Variants in MAP3K20 observed in about 807,000 individuals in gnomAD.
MAP3K20 encodes the protein mitogen-activated protein kinase kinase kinase 20.
MAP3K20 carries 40 observed loss-of-function variants against 85.7 expected under a neutral mutation model. The observed-to-expected ratio is 0.47, with a 90% CI of 0.36 to 0.61. The LOEUF (loss-of-function observed/expected upper bound fraction) is 0.61, where lower values mean the gene tolerates loss of function less well. Among genes scored for constraint, MAP3K20 ranks in the 20% least tolerant of loss-of-function variants. The pLI, the probability that MAP3K20 is intolerant of heterozygous loss-of-function variation, is 0.00. For missense variants in MAP3K20, 817 were observed against 961.7 expected, an observed-to-expected ratio of 0.85 and a Z score of 1.99; for synonymous variants, 325 against 327.7, an observed-to-expected ratio of 0.99 and a Z score of 0.09.
intron 16 of MAP3K20, among the ~76,000 whole-genome samples, chr2:173,250,689 A>G (rs1318254583): frequency 6.6e-6 from 1 of 152,238 alleles, no homozygotes; most frequent in Admixed American, 6.5e-5. Flanking sequence ...AGTCCTGTAC[A>G]TCATTATGAG....
At chr2:173,180,969 A>G (rs1690307564) in intron 3 of MAP3K20, among the ~76,000 whole-genome samples, 1 of 152,202 alleles carries the variant, frequency 6.6e-6, no homozygotes, top group Non-Finnish European at 1.5e-5. Flanking sequence ...CAAACTGGGA[A>G]AAAATATTTG....
Position 173,198,395 on chromosome 2 carries a change from A to G in MAP3K20, c.669+283A>G. The G allele has an allele frequency of 5.0e-6, 1 of 201,640 alleles. No homozygotes were observed. Among genetic ancestry groups the G allele is most frequent in the South Asian group, 9.4e-5 (1 of 10,588 alleles). 12.5% of individuals were successfully genotyped at this position (201,640 alleles called of 1,614,324 possible). ...AAAACCTAGGGGTTTGTTCTTAGTG[A>G]TGAAAGAAGCCATTGCGTCCAAGGT... On this transcript the variant is annotated intron_variant, in intron 8 of 19. Transcript: ENST00000375213. The surrounding 1 kb of genome is among the most constrained non-coding windows in gnomAD (Gnocchi z 5.8).
intron 17 of MAP3K20, among the ~76,000 whole-genome samples, chr2:173,259,141 A>G (rs1685229889): frequency 6.6e-6 from 1 of 152,144 alleles, no homozygotes; most frequent in Admixed American, 6.5e-5. Context: ...ATTTACTTCA[A>G]ATTTTGACTA....
intron 10 of MAP3K20, chr2:173,211,729 A>G (rs10185321): frequency 0.55 from 83,647 of 152,158 alleles, 24,455 homozygotes; most frequent in Non-Finnish European, 0.66. Flanking sequence ...ACTGGCTAAC[A>G]CGGTGAAACC....
At chr2:173,089,287 C>T (rs1447616047) in intron 1 of MAP3K20, among the ~76,000 whole-genome samples, 1 of 151,948 alleles carries the variant, frequency 6.6e-6, no homozygotes, top group African/African-American at 2.4e-5. Context: ...TGCTTTCTCT[C>T]TCCCTCTCTC....
intron 11 of MAP3K20, chr2:173,222,009 C>T (rs1387170097): frequency 1.0e-6 from 1 of 983,568 alleles, no homozygotes; most frequent in East Asian, 1.1e-4. Flanking sequence ...AAATGGTTGG[C>T]CTGAGCAACC....
chr2:173,142,608 A>C (rs1689009182), intron 2 of MAP3K20, among the ~76,000 whole-genome samples: 1 of 152,126 alleles, frequency 6.6e-6, no homozygotes. Context: ...GAATTCTTAG[A>C]GCAACCACTA....
At position 173,104,402 on chromosome 2, in the gene MAP3K20, G is replaced by C. The variant is rs148879162; in HGVS notation, c.159+13212G>C. Among the ~76,000 whole-genome samples the C allele has an allele frequency of 6.8e-4, 104 of 152,228 alleles. 2 individuals carry two copies. The East Asian group carries it at 0.017, about 25-fold the overall frequency. On this transcript the variant is annotated intron_variant, in intron 2 of 19. Coordinates refer to ENST00000375213, the MANE Select transcript of MAP3K20 (RefSeq NM_016653.3). ...GCCCCAGTGCTCCTCAAGACTTTGA[G>C]GTTTTGGGAAACAAGGAAAGACTGA... is the stretch of plus-strand genomic sequence containing the variant.
intron 2 of MAP3K20, among the ~76,000 whole-genome samples, chr2:173,098,748 CAT>C (rs1279982574): frequency 6.6e-6 from 1 of 152,190 alleles, no homozygotes; most frequent in Non-Finnish European, 1.5e-5. Context: ...TAAATAATCT[CAT>C]ATAAAATTTT....
chr2:173,184,336 C>T (rs755282223), intron 4 of MAP3K20, among the ~76,000 whole-genome samples: 35 of 152,194 alleles, frequency 2.3e-4, no homozygotes, highest in Non-Finnish European at 4.4e-4. Flanking sequence ...GGTGCTCAGC[C>T]AGTTACACCC....
At position 173,231,007 on chromosome 2, in the gene MAP3K20, T is replaced by A. The variant is rs979974673; in HGVS notation, c.1033-1185T>A. Among the ~76,000 whole-genome samples the A allele has an allele frequency of 2.8e-4, 42 of 151,756 alleles. 1 individual carries two copies. Among genetic ancestry groups the A allele is most frequent in the East Asian group, 1.4e-3 (7 of 5,178 alleles). On this transcript the variant is annotated intron_variant, in intron 12 of 19. Transcript: ENST00000375213. The stretch of plus-strand genomic sequence containing the variant: ...CAAGGCTTCATCTCAAAAAAAAAAT[T>A]TTTTTTAAGTTCTATAAAACTCAGG...
At chr2:173,145,299 G>C (rs1689106514) in intron 2 of MAP3K20, among the ~76,000 whole-genome samples, 1 of 152,054 alleles carries the variant, frequency 6.6e-6, no homozygotes, top group Non-Finnish European at 1.5e-5. Context: ...TCCAAACTCT[G>C]TGCTTACATA....
rs1260204093 is a variant in MAP3K20, at chr2:173,266,580, G to A, written c.2233G>A (p.Gly745Arg). The A allele has an allele frequency of 6.2e-7, 1 of 1,613,754 alleles. No individual in the cohort carries two copies. The highest frequency in any genetic ancestry group is 8.5e-7 in the Non-Finnish European group (1 of 1,179,990). Reference sequence around the variant, plus strand: ...CCTCCACCAACCCAACACCATACCAGGGATGCCTTTGCACCCTGAGACTGA... The same window carrying A: ...CCTCCACCAACCCAACACCATACCAAGGATGCCTTTGCACCCTGAGACTGA... Reference protein sequence around the residue: ...RDLHQPNTIPGMPLHPETDSR... With the variant: ...RDLHQPNTIPRMPLHPETDSR... Residue 745 changes from glycine to arginine, a missense_variant, in exon 20 of 20, where the codon GGG becomes AGG. Gly to Arg is a moderately radical substitution (Grantham distance 125, BLOSUM62 -2). This residue lies in a region of MAP3K20 where 454 missense variants were observed against 476.9 expected (regional missense o/e 0.95). Coordinates refer to ENST00000375213, the MANE Select transcript of MAP3K20 (RefSeq NM_016653.3).
intron 10 of MAP3K20, among the ~76,000 whole-genome samples, chr2:173,216,803 T>C (rs1460158133): frequency 6.6e-6 from 1 of 152,194 alleles, no homozygotes; most frequent in Non-Finnish European, 1.5e-5. Flanking sequence ...ATAACATCAC[T>C]TATGAACTGT....
intron 4 of MAP3K20, 105 bp downstream of exon 4, chr2:173,183,060 T>C: frequency 1.1e-6 from 1 of 883,224 alleles, no homozygotes; most frequent in Non-Finnish European, 1.7e-6. Flanking sequence ...TTAGATGTTC[T>C]TTTTCCAGAC....
chr2:173,256,909 T>C (rs936091249), intron 16 of MAP3K20, among the ~76,000 whole-genome samples: 2 of 152,198 alleles, frequency 1.3e-5, no homozygotes, highest in Non-Finnish European at 2.9e-5. Flanking sequence ...CCCAGCACTT[T>C]GGGAGGCTGA....
At chr2:173,153,739 A>G (rs918041155) in intron 2 of MAP3K20, among the ~76,000 whole-genome samples, 1 of 152,208 alleles carries the variant, frequency 6.6e-6, no homozygotes, top group Admixed American at 6.5e-5. Flanking sequence ...GTGGATGCCT[A>G]AGTCCTTTGT....
At position 173,264,804 on chromosome 2, in the gene MAP3K20, GA is replaced by G. The variant is rs369252915; in HGVS notation, c.1702+912del. Among the ~76,000 whole-genome samples the G allele has an allele frequency of 2.6e-3, 398 of 152,264 alleles. 2 individuals are homozygous for G. Among genetic ancestry groups the G allele is most frequent in the African/African-American group, 9.2e-3 (383 of 41,544 alleles). On this transcript the variant is annotated intron_variant, in intron 19 of 19. Transcript: ENST00000375213. ...CGTATGTAAAGTAGTCAAAGTCACAGAAACAGGAAGTAGAAGACAGTTAACA... is the reference window on the plus strand; with the variant it reads ...CGTATGTAAAGTAGTCAAAGTCACAGAACAGGAAGTAGAAGACAGTTAACA...
intron 2 of MAP3K20, among the ~76,000 whole-genome samples, chr2:173,143,203 C>T (rs890469054): frequency 1.3e-5 from 2 of 152,088 alleles, no homozygotes; most frequent in South Asian, 2.1e-4. Context: ...TAATATCAGA[C>T]ACAGTATGGA....
Sources: gnomAD v4.1 joint callset for allele counts (sites outside exome capture counted in the v4.1 genomes callset) on GRCh38, gnomAD v4.1.1 for gene constraint, gnomAD v4.1.1 regional missense constraint, Gnocchi (gnomAD v3.1) non-coding constraint, MANE v1.5 for transcripts, NCBI Gene and HGNC (gene_info 2026-07-23, HGNC 2026-07-21) for gene names.